The following APBA2 variants were observed in gnomAD, a reference collection of about 807,000 sequenced individuals.
APBA2 encodes the protein amyloid beta precursor protein binding family A member 2.
APBA2 carries 30 observed loss-of-function variants against 75.0 expected under a neutral mutation model. The observed-to-expected ratio is 0.40, with a 90% CI of 0.30 to 0.54. APBA2 has a LOEUF of 0.54. APBA2 is among the 20% of genes least tolerant of loss of function. The pLI, the probability that APBA2 is intolerant of heterozygous loss-of-function variation, is 0.49. For missense variants in APBA2, 801 were observed against 1,016.1 expected (o/e 0.79, Z 2.88); for synonymous variants, 444 against 409.6 (o/e 1.08, Z -1.01).
At position 29,004,640 on chromosome 15, in the gene APBA2, A is replaced by T. The variant is rs2039019218; in HGVS notation, c.-41+8834A>T. ...CACTGGCATAACGCACGGCTGCTCGAACTCCAGTGTGCGCCGGAATCTCCT... is the reference window on the plus strand; with the variant it reads ...CACTGGCATAACGCACGGCTGCTCGTACTCCAGTGTGCGCCGGAATCTCCT... On this transcript the variant is annotated intron_variant, in intron 3 of 14. Transcript: ENST00000683413. Among the ~76,000 whole-genome samples the T allele has an allele frequency of 2.0e-5, 3 of 152,118 alleles. No individual in the cohort carries two copies. In the South Asian group the frequency reaches 6.2e-4, roughly 32 times the overall value.
At chr15:28,984,748 A>G (rs559306116) in intron 2 of APBA2, among the ~76,000 whole-genome samples, 14 of 129,610 alleles carry the variant, frequency 1.1e-4, no homozygotes, top group Admixed American at 3.2e-4. Context: ...CTGTCTCTCT[A>G]TCTCTCTCCC....
chr15:29,076,868 C>G (rs990380497), intron 6 of APBA2, among the ~76,000 whole-genome samples: 17 of 152,190 alleles, frequency 1.1e-4, no homozygotes, highest in African/African-American at 4.1e-4. Flanking sequence ...CCTTCCCATG[C>G]TGCTTTTCTT....
intron 2 of APBA2, among the ~76,000 whole-genome samples, chr15:28,937,245 C>T (rs1367044643): frequency 6.6e-6 from 1 of 151,878 alleles, no homozygotes; most frequent in Non-Finnish European, 1.5e-5. Context: ...TGAGGCACTT[C>T]CTGCCTCTTC....
intron 2 of APBA2, among the ~76,000 whole-genome samples, chr15:28,963,280 T>C (rs1595580532): frequency 6.6e-6 from 1 of 152,244 alleles, no homozygotes; most frequent in African/African-American, 2.4e-5. Context: ...GAGATGTTTC[T>C]GTTAACTCAG....
At chr15:28,912,455 T>C (rs1482829912) in intron 1 of APBA2, among the ~76,000 whole-genome samples, 1 of 152,224 alleles carries the variant, frequency 6.6e-6, no homozygotes, top group Non-Finnish European at 1.5e-5. Context: ...CCACATCCAG[T>C]CCCAGACAGC....
chr15:29,095,461 T>C (rs1203680823), intron 8 of APBA2, among the ~76,000 whole-genome samples: 1 of 151,760 alleles, frequency 6.6e-6, no homozygotes, highest in Non-Finnish European at 1.5e-5. Flanking sequence ...TGACATCGAG[T>C]CATTTGTTTG....
At chr15:29,000,294 A>G (rs2038777354) in intron 3 of APBA2, among the ~76,000 whole-genome samples, 1 of 152,236 alleles carries the variant, frequency 6.6e-6, no homozygotes, top group African/African-American at 2.4e-5. Flanking sequence ...TGCATAGTGA[A>G]TGATAGTGAT....
At chr15:29,075,760 G>A (rs2042822027) in intron 5 of APBA2, among the ~76,000 whole-genome samples, 2 of 152,128 alleles carry the variant, frequency 1.3e-5, no homozygotes, top group Non-Finnish European at 2.9e-5. Context: ...TGGCTCTCAT[G>A]CCCCCTGGTT....
chr15:29,053,829 A>G lies in APBA2; in HGVS notation c.-40-16A>G. 1 of 1,510,622 alleles carries G rather than the reference A, an allele frequency of 6.6e-7. No homozygotes were observed. The highest frequency in any genetic ancestry group is 1.9e-5 in the Admixed American group (1 of 52,906). The allele number at this position is 1,510,622 out of a possible 1,614,324, so 93.6% of individuals were successfully genotyped here. ...TGGGGTTTTGACTCTGTCCTTCCCA[A>G]TGTTCCTCCCCACAGTGGCTGCCTC... On this transcript the variant is annotated splice_polypyrimidine_tract_variant and intron_variant, in intron 3 of 14. Coordinates refer to ENST00000683413, the MANE Select transcript of APBA2 (RefSeq NM_001353788.2).
chr15:28,922,829 C>T (rs1280301063), intron 2 of APBA2, among the ~76,000 whole-genome samples: 1 of 152,196 alleles, frequency 6.6e-6, no homozygotes, highest in East Asian at 1.9e-4. Context: ...TCGGTGAGAC[C>T]TTAGAAGCAG....
At chr15:28,966,496 G>A (rs1431064982) in intron 2 of APBA2, among the ~76,000 whole-genome samples, 3 of 151,996 alleles carry the variant, frequency 2.0e-5, no homozygotes, top group Admixed American at 2.0e-4. Context: ...TATTAATATA[G>A]CCACTTTTGC....
Position 28,950,714 on chromosome 15 carries a change from T to C in APBA2, c.-95+28965T>C, listed in dbSNP as rs369107555. On this transcript the variant is annotated intron_variant, in intron 2 of 14. Transcript: ENST00000683413. The stretch of plus-strand genomic sequence containing the variant: ...GGAGGTCGATGTGCAGAGCCCATGC[T>C]TAAGGAATGTGGAGTTACACTCCAC... 3.9e-5 allele frequency among the ~76,000 whole-genome samples: 6 copies of C among 152,182 alleles called. No individual in the cohort carries two copies. The South Asian group carries it at 6.2e-4, about 16-fold the overall frequency.
chr15:28,940,213 G>A (rs941471102), intron 2 of APBA2, among the ~76,000 whole-genome samples: 5 of 151,980 alleles, frequency 3.3e-5, no homozygotes, highest in African/African-American at 1.2e-4. Flanking sequence ...GGTGCTGCGG[G>A]TTAAGAAAGC....
At chr15:28,920,293 T>G (rs2033905954) in intron 1 of APBA2, among the ~76,000 whole-genome samples, 1 of 152,116 alleles carries the variant, frequency 6.6e-6, no homozygotes, top group Non-Finnish European at 1.5e-5. Context: ...GATTTAAACA[T>G]GGGCACAGAA....
chr15:29,059,041 C>CGTA (rs1378873345), intron 4 of APBA2, among the ~76,000 whole-genome samples: 2 of 152,328 alleles, frequency 1.3e-5, no homozygotes, highest in African/African-American at 4.8e-5. Flanking sequence ...AATCAATACT[C>CGTA]GTAGCACTTT....
At chr15:29,109,898 G>T (rs1360796452) in intron 13 of APBA2, among the ~76,000 whole-genome samples, 3 of 152,250 alleles carry the variant, frequency 2.0e-5, no homozygotes, top group African/African-American at 7.2e-5. Context: ...GTGGCCCCTG[G>T]ACCTGGCACA....
At chr15:29,045,460 A>G (rs2041276101) in intron 3 of APBA2, among the ~76,000 whole-genome samples, 1 of 151,158 alleles carries the variant, frequency 6.6e-6, no homozygotes, top group Admixed American at 6.6e-5. Context: ...CTCCCCAAAG[A>G]CCCCACCTCC....
chr15:29,011,375 A>C (rs568376605), intron 3 of APBA2, among the ~76,000 whole-genome samples: 1 of 152,196 alleles, frequency 6.6e-6, no homozygotes, highest in Non-Finnish European at 1.5e-5. Context: ...ACTTTTTAAA[A>C]TTTCTCCTTT....
chr15:29,036,005 C>A (rs1309641365), intron 3 of APBA2, among the ~76,000 whole-genome samples: 2 of 152,176 alleles, frequency 1.3e-5, no homozygotes, highest in African/African-American at 2.4e-5. Context: ...CCCAGGGACT[C>A]CACCGCTGGT....
Sources: allele counts gnomAD v4.1 joint callset (sites outside exome capture counted in the v4.1 genomes callset), GRCh38; gene constraint gnomAD v4.1.1; transcripts MANE v1.5; gene names NCBI Gene and HGNC (gene_info 2026-07-23, HGNC 2026-07-21).